Variants in NCAPG observed in about 807,000 individuals in gnomAD.
NCAPG encodes non-SMC condensin I complex subunit G, also known as condensin complex subunit 3.
In NCAPG, 69 loss-of-function variants were observed where a neutral mutation model predicts 113.1. That is an observed-to-expected ratio of 0.61 (90% CI 0.50 to 0.75). The LOEUF (loss-of-function observed/expected upper bound fraction) is 0.75. NCAPG is among the 30% of genes least tolerant of loss of function. The pLI is 0.00. For synonymous variants in NCAPG, 370 were observed against 415.8 expected (o/e 0.89, Z 1.34); for missense variants, 1,058 against 1,177.0 (o/e 0.90, Z 1.48).
At chr4:17,842,575 C>T (rs191119845) in intron 20 of NCAPG, 196 bp downstream of exon 20, 4 of 534,450 alleles carry the variant, frequency 7.5e-6, no homozygotes, top group South Asian at 2.3e-5. Context: ...TTTGCTTTTG[C>T]CTATTAGCTG....
intron 3 of NCAPG, chr4:17,813,392 G>A (rs1489266873): frequency 6.9e-6 from 2 of 291,394 alleles, no homozygotes; most frequent in East Asian, 1.2e-4. Context: ...GGGTTAATTA[G>A]TCTCTTGCTT....
intron 13 of NCAPG, among the ~76,000 whole-genome samples, chr4:17,832,831 C>T (rs190553764): frequency 5.9e-5 from 9 of 152,100 alleles, no homozygotes; most frequent in Admixed American, 3.3e-4. Context: ...GGTGTGATTT[C>T]CTGGAAAGCA....
At chr4:17,813,313 A>AG (rs1721072472) in intron 3 of NCAPG, 168 bp downstream of exon 3, 3 of 502,258 alleles carry the variant, frequency 6.0e-6, no homozygotes, top group Admixed American at 7.7e-5. Flanking sequence ...TAAAAAAAAA[A>AG]GTCAGTACTT....
chr4:17,842,365 A>C lies in NCAPG; in HGVS notation c.2910A>C (p.Glu970Asp). The change falls in exon 20 of 21, where the codon GAA becomes GAC. Residue 970 changes from glutamate to aspartate, a missense_variant. By Grantham distance (45) the Glu-to-Asp change is conservative. Transcript: ENST00000251496. ...ARTNRRCQTA[E>D]ADSESDHEVP... Reference sequence around the variant, plus strand: ...CGAACAGGAGGTGTCAGACTGCTGAAGCCGACTCTGAAAGGTATGTCATGC... The same window carrying C: ...CGAACAGGAGGTGTCAGACTGCTGACGCCGACTCTGAAAGGTATGTCATGC... 5 of 1,612,128 alleles carry C rather than the reference A, an allele frequency of 3.1e-6. No individual in the cohort carries two copies. The highest frequency in any genetic ancestry group is 4.2e-6 in the Non-Finnish European group (5 of 1,178,452).
At position 17,838,898 on chromosome 4, in the gene NCAPG, GAATATT is replaced by G. The variant is rs1232866017; in HGVS notation, c.2467-773_2467-768del. Among the ~76,000 whole-genome samples, 15 of 152,142 alleles carry G rather than the reference GAATATT, an allele frequency of 9.9e-5. No individual in the cohort carries two copies. The South Asian group carries it at 3.1e-3, about 32-fold the overall frequency. On this transcript the variant is annotated intron_variant, in intron 16 of 20. Transcript: ENST00000251496. ...GATGAATTGGTGAGCAGAAAGAAAA[GAATATT>G]AATAAAGAAAGCAGCTGAAAATCTG...
chr4:17,818,077 C>T lies in NCAPG; in HGVS notation c.1107C>T (p.Asp369=). 6.3e-7 allele frequency: 1 copy of T among 1,598,710 alleles called. No individual in the cohort carries two copies. The highest frequency in any genetic ancestry group is 8.5e-7 in the Non-Finnish European group (1 of 1,174,966). ...TGCCAGAGCCTGTAGTATATGCAGA[C>T]TATTTATTGAGGTAAATTTTTTTTC... ...QILPEPVVYA[D]YLLSYIQSIP... The change falls in exon 7 of 21, where the codon GAC becomes GAT. Residue 369 remains aspartate (D), a synonymous_variant. Transcript: ENST00000251496.
intron 12 of NCAPG, among the ~76,000 whole-genome samples, chr4:17,829,143 G>A (rs995543031): frequency 6.6e-6 from 1 of 152,156 alleles, no homozygotes; most frequent in Non-Finnish European, 1.5e-5. Flanking sequence ...CAGGTGTTCA[G>A]TAGCCACATG....
intron 4 of NCAPG, 68 bp from the exon 5 acceptor site, chr4:17,815,206 G>C (rs940622269): frequency 2.2e-5 from 30 of 1,385,732 alleles, no homozygotes; most frequent in Non-Finnish European, 3.0e-5. Flanking sequence ...TTTCTAAGAT[G>C]GTGATATTCT....
chr4:17,816,595 G>A (rs772514334), intron 5 of NCAPG, among the ~76,000 whole-genome samples: 3 of 152,180 alleles, frequency 2.0e-5, no homozygotes, highest in East Asian at 1.9e-4. Flanking sequence ...GTTCAGTGAC[G>A]TGTGCTTGTA....
intron 8 of NCAPG, among the ~76,000 whole-genome samples, chr4:17,823,420 CA>C (rs1194249743): frequency 6.6e-6 from 1 of 151,870 alleles, no homozygotes; most frequent in Non-Finnish European, 1.5e-5. Flanking sequence ...GTCATTTTAT[CA>C]TGTTGATTTA....
chr4:17,820,495 G>A (rs1456030946), intron 7 of NCAPG, among the ~76,000 whole-genome samples: 3 of 151,942 alleles, frequency 2.0e-5, no homozygotes, highest in African/African-American at 7.3e-5. Flanking sequence ...CTAGCTACTC[G>A]GGAGGCTGAG....
In NCAPG at chr4:17,825,382, A is replaced by G. The variant is rs749744828; in HGVS notation, c.1474A>G (p.Met492Val). Residue 492 changes from methionine to valine, a missense_variant and splice_region_variant, in exon 11 of 21, where the codon ATG becomes GTG. Met to Val is a conservative substitution (Grantham distance 21). Transcript: ENST00000251496. ...TGAAACAATTTATATCTTCCCTTAG[A>G]TGGCTGAAATAAAAGTTAAGCTTAT... The part of the protein sequence containing the change: ...PADVRKKELK[M>V]AEIKVKLIEA... The G allele has an allele frequency of 6.3e-7, 1 of 1,581,038 alleles. No individual in the cohort carries two copies. Among genetic ancestry groups the G allele is most frequent in the South Asian group, 1.2e-5 (1 of 86,220 alleles).
intron 16 of NCAPG, among the ~76,000 whole-genome samples, chr4:17,838,719 G>C (rs1267462841): frequency 6.6e-6 from 1 of 152,126 alleles, no homozygotes; most frequent in Admixed American, 6.6e-5. Context: ...CAACACTGGG[G>C]GTAGATTATA....
intron 6 of NCAPG, 141 bp downstream of exon 6, chr4:17,817,594 T>G (rs773985153): frequency 4.4e-5 from 30 of 683,416 alleles, no homozygotes; most frequent in Non-Finnish European, 6.1e-5. Flanking sequence ...CTGATGAATA[T>G]CCTTTTATCC....
chr4:17,817,252 A>T lies in NCAPG; in HGVS notation c.776-9A>T, dbSNP rs1300498841. 5 of 1,604,498 alleles carry T rather than the reference A, an allele frequency of 3.1e-6. No homozygotes were observed. The highest frequency in any genetic ancestry group is 2.2e-5 in the East Asian group (1 of 44,802). ...CCTTTGTTCACCTATGTTTCAAATG[A>T]CTCAATAGATGCTGTGAAACAAGCT... On this transcript the variant is annotated splice_polypyrimidine_tract_variant and intron_variant, in intron 5 of 20. Coordinates refer to ENST00000251496, the MANE Select transcript of NCAPG (RefSeq NM_022346.5).
chr4:17,820,416 A>G (rs1017247006), intron 7 of NCAPG, among the ~76,000 whole-genome samples: 8 of 152,224 alleles, frequency 5.3e-5, no homozygotes, highest in African/African-American at 1.9e-4. Flanking sequence ...CCTAGCCAAC[A>G]TAGTGAAACC....
chr4:17,811,361 C>T lies in NCAPG; in HGVS notation c.111+173C>T, dbSNP rs902087485. ...AAGTCAGGGACTTACCCGAGGTCGC[C>T]TGGGCCCAGGCCAGAAAGCCTCCGA... is the stretch of plus-strand genomic sequence containing the variant. On this transcript the variant is annotated intron_variant, in intron 1 of 20. Coordinates refer to ENST00000251496, the MANE Select transcript of NCAPG (RefSeq NM_022346.5). This position sits in a 1 kb window ranked among gnomAD's most constrained non-coding sequence, Gnocchi z 5.3. Among the ~76,000 whole-genome samples, 7 of 152,306 alleles carry T rather than the reference C, an allele frequency of 4.6e-5. No individual in the cohort carries two copies. The highest frequency in any genetic ancestry group is 3.4e-3 in the Middle Eastern group (1 of 294).
At chr4:17,820,772 A>G (rs1003959025) in intron 7 of NCAPG, among the ~76,000 whole-genome samples, 1 of 152,186 alleles carries the variant, frequency 6.6e-6, no homozygotes, top group African/African-American at 2.4e-5. Context: ...AATCTCAGGA[A>G]TATGTTTTCA....
chr4:17,831,258 C>A, intron 13 of NCAPG, 142 bp downstream of exon 13: 1 of 947,274 alleles, frequency 1.1e-6, no homozygotes, highest in Non-Finnish European at 1.5e-6. Context: ...ATACTTTTAT[C>A]TTTTGATTTC....
Sources: gnomAD v4.1 joint callset for allele counts (sites outside exome capture counted in the v4.1 genomes callset) on GRCh38, gnomAD v4.1.1 for gene constraint, Gnocchi (gnomAD v3.1) non-coding constraint, MANE v1.5 for transcripts, NCBI Gene and HGNC (gene_info 2026-07-23, HGNC 2026-07-21) for gene names.